SF3B3: variants seen among roughly 807,000 people sequenced by gnomAD.
The protein encoded by SF3B3 is SAP 130.
SF3B3 carries 33 observed loss-of-function variants against 139.2 expected under a neutral mutation model. That is an observed-to-expected ratio of 0.24 (90% CI 0.18 to 0.32). The LOEUF (loss-of-function observed/expected upper bound fraction) is 0.32, where lower values mean the gene tolerates loss of function less well. SF3B3 is among the 10% of genes least tolerant of loss of function. The pLI is 1.00. For synonymous variants in SF3B3, 596 were observed against 563.6 expected, an observed-to-expected ratio of 1.06 and a Z score of -0.81; for missense variants, 818 against 1,509.4, an observed-to-expected ratio of 0.54 and a Z score of 7.59.
rs975077024 is a variant in SF3B3 at position 70,572,102 on chromosome 16, A to G, written c.*289A>G. The G allele has an allele frequency of 1.4e-5, 8 of 585,378 alleles. No homozygotes were observed. Among genetic ancestry groups the G allele is most frequent in the Non-Finnish European group, 2.3e-5 (7 of 310,428 alleles). 36.3% of individuals were successfully genotyped at this position (585,378 alleles called of 1,614,324 possible). Reference sequence around the variant, plus strand: ...TCCCCAAAGCCATCCCTGCATTGATATGTCTTGACTCTCCTGTCTACTTTT... The same window carrying G: ...TCCCCAAAGCCATCCCTGCATTGATGTGTCTTGACTCTCCTGTCTACTTTT... On this transcript the variant is annotated 3_prime_UTR_variant, in exon 26 of 26. Coordinates refer to ENST00000302516, the MANE Select transcript of SF3B3 (RefSeq NM_012426.5).
At chr16:70,569,875 C>T (rs551604674) in intron 23 of SF3B3, 131 bp from the exon 24 acceptor site, 21 of 980,978 alleles carry the variant, frequency 2.1e-5, no homozygotes, top group Admixed American at 2.0e-4. Flanking sequence ...AATCCTCCCA[C>T]GTTGGCCTCT....
intron 13 of SF3B3, 127 bp downstream of exon 13, chr16:70,555,333 C>T: frequency 1.1e-6 from 1 of 881,534 alleles, no homozygotes. Flanking sequence ...CAAAAATTAG[C>T]TGGGCGTGTT....
At position 70,561,668 on chromosome 16, in the gene SF3B3, T is replaced by G; in HGVS notation, c.2172T>G (p.Ser724=). 1 of 1,614,104 alleles carries G rather than the reference T, an allele frequency of 6.2e-7. No individual in the cohort carries two copies. The highest frequency in any genetic ancestry group is 8.5e-7 in the Non-Finnish European group (1 of 1,179,970). Residue 724 remains serine (S), a synonymous_variant, in exon 17 of 26, where the codon TCT becomes TCG. Transcript: ENST00000302516. ...CAAGCCGCTCATGGTTGAGCTATTC[T>G]TACCAATCTCGCTTCCATCTCACCC... ...AMSSRSWLSY[S]YQSRFHLTPL...
At chr16:70,563,601 T>TA (rs2050449312) in intron 17 of SF3B3, 671 of 341,500 alleles carry the variant, frequency 2.0e-3, no homozygotes, top group Middle Eastern at 4.8e-3. Context: ...TTGGAGTGAT[T>TA]AAAAAAAAAC....
Position 70,564,049 on chromosome 16 carries a change from A to T in SF3B3, c.2462A>T (p.Glu821Val), listed in dbSNP as rs1335392503. 1 of 1,613,678 alleles carries T rather than the reference A, an allele frequency of 6.2e-7. No homozygotes were observed. The highest frequency in any genetic ancestry group is 8.5e-7 in the Non-Finnish European group (1 of 1,179,852). ...GCTCAGAGAAAGCAGCAGATGGCAG[A>T]GGTAATGAGACTAACGTTCAGGGGT... ...TKAQRKQQMA[E>V]EMVEAAGEDE... The change falls in exon 18 of 26, where the codon GAG (glutamate) becomes GTG (valine). Residue 821 changes from glutamate to valine, a missense_variant and splice_region_variant. Glu to Val is a moderately radical substitution (Grantham distance 121, BLOSUM62 -2). Around this residue, in one of 14 missense-constraint regions of SF3B3, gnomAD observed 25 missense variants for 68.1 expected, o/e 0.37. Transcript: ENST00000302516.
rs935526469 is a variant in SF3B3, at chr16:70,526,592, T to C, written c.-65T>C. The C allele has an allele frequency of 8.1e-6, 9 of 1,116,888 alleles. No homozygotes were observed. The highest frequency in any genetic ancestry group is 1.2e-5 in the Non-Finnish European group (9 of 752,376). 69.2% of individuals were successfully genotyped at this position (1,116,888 alleles called of 1,614,324 possible). ...TCTGTTTTCTGTTTTCTTAGCTTTC[T>C]TGGACTCCGTACTGTTGGTGTAACC... On this transcript the variant is annotated 5_prime_UTR_variant, in exon 2 of 26. Transcript: ENST00000302516.
intron 10 of SF3B3, among the ~76,000 whole-genome samples, chr16:70,545,477 G>A (rs1171855553): frequency 2.6e-5 from 4 of 152,184 alleles, no homozygotes; most frequent in East Asian, 1.9e-4. Flanking sequence ...GACACTAAAA[G>A]TTATCTTCTT....
intron 24 of SF3B3, 135 bp downstream of exon 24, chr16:70,570,284 T>C (rs914789336): frequency 3.4e-6 from 3 of 871,706 alleles, no homozygotes; most frequent in African/African-American, 1.7e-5. Flanking sequence ...ACAGAAGTAC[T>C]TGGGGAGATA....
intron 10 of SF3B3, among the ~76,000 whole-genome samples, chr16:70,547,892 T>A (rs780370442): frequency 6.6e-6 from 1 of 152,072 alleles, no homozygotes; most frequent in Non-Finnish European, 1.5e-5. Flanking sequence ...GCCCAGCCGG[T>A]GGTGACTGAT....
chr16:70,528,857 T>C lies in SF3B3; in HGVS notation c.71-16T>C. The C allele has an allele frequency of 6.3e-7, 1 of 1,586,038 alleles. No homozygotes were observed. The highest frequency in any genetic ancestry group is 8.6e-7 in the Non-Finnish European group (1 of 1,158,972). On this transcript the variant is annotated splice_polypyrimidine_tract_variant and intron_variant, in intron 2 of 25. Coordinates refer to ENST00000302516, the MANE Select transcript of SF3B3 (RefSeq NM_012426.5). ...GGGTTCTGGTTGTTTATGATCTTTATTTTTTGGTGATCTAGGAACCAAACA... is the reference window on the plus strand; with the variant it reads ...GGGTTCTGGTTGTTTATGATCTTTACTTTTTGGTGATCTAGGAACCAAACA...
chr16:70,570,968 AGT>A, intron 24 of SF3B3, 125 bp from the exon 25 acceptor site: 1 of 720,538 alleles, frequency 1.4e-6, no homozygotes. Context: ...ATTATCAGAA[AGT>A]GATTAGATAT....
Position 70,574,373 on chromosome 16 carries a change from G to A in SF3B3, c.*2560G>A, listed in dbSNP as rs908878848. On this transcript the variant is annotated 3_prime_UTR_variant, in exon 26 of 26. Coordinates refer to ENST00000302516, the MANE Select transcript of SF3B3 (RefSeq NM_012426.5). Reference sequence around the variant, plus strand: ...TAATTTTTAAACTTTTGTAGAGACAGGGTCTCCCTGTGTTGCCCAGGCTGG... The same window carrying A: ...TAATTTTTAAACTTTTGTAGAGACAAGGTCTCCCTGTGTTGCCCAGGCTGG... 3.3e-5 allele frequency: 5 copies of A among 152,156 alleles called. No homozygotes were observed. Among genetic ancestry groups the A allele is most frequent in the Admixed American group, 2.0e-4 (3 of 15,262 alleles). The allele number at this position is 152,156 out of a possible 1,614,324, so 9.4% of individuals were successfully genotyped here.
At chr16:70,527,847 C>T (rs2151773449) in intron 2 of SF3B3, among the ~76,000 whole-genome samples, 1 of 152,282 alleles carries the variant, frequency 6.6e-6, no homozygotes, top group South Asian at 2.1e-4. Context: ...GTGATCTTGG[C>T]TCACTGCCAC....
In SF3B3 at chr16:70,545,204, C is replaced by G. The variant is rs138382601; in HGVS notation, c.1329+671C>G. 3.4e-3 allele frequency among the ~76,000 whole-genome samples: 525 copies of G among 152,202 alleles called. 7 individuals carry two copies. The highest frequency in any genetic ancestry group is 0.012 in the African/African-American group (489 of 41,528). ...CCTCAGCCTCCTGAATAACTGGGGA[C>G]TGCAGGCACGTGCCACAACACCCAG... On this transcript the variant is annotated intron_variant, in intron 10 of 25. Coordinates refer to ENST00000302516, the MANE Select transcript of SF3B3 (RefSeq NM_012426.5).
rs1485499984 is a variant in SF3B3 at position 70,554,928 on chromosome 16, A to G, written c.1555-123A>G. 6 of 884,224 alleles carry G rather than the reference A, an allele frequency of 6.8e-6. No homozygotes were observed. The East Asian group carries it at 7.9e-5, about 12-fold the overall frequency. 54.8% of individuals were successfully genotyped at this position (884,224 alleles called of 1,614,324 possible). ...TACTAACTCTTTTGTCTTTGATTCA[A>G]CTGGTGCCTCAAATGCAGTGGCCCC... is the stretch of plus-strand genomic sequence containing the variant. On this transcript the variant is annotated intron_variant, in intron 12 of 25. Transcript: ENST00000302516.
intron 5 of SF3B3, 32 bp downstream of exon 5, chr16:70,532,652 TTTAC>T: frequency 6.2e-7 from 1 of 1,608,976 alleles, no homozygotes; most frequent in Non-Finnish European, 8.5e-7. Flanking sequence ...TTTGTACCCT[TTTAC>T]TTGGTTCATT....
At chr16:70,538,268 C>T in intron 6 of SF3B3, 55 bp from the exon 7 acceptor site, 8 of 1,532,126 alleles carry the variant, frequency 5.2e-6, no homozygotes, top group Non-Finnish European at 7.2e-6. Flanking sequence ...TGCTGAATTC[C>T]AGAACTAAGA....
intron 13 of SF3B3, among the ~76,000 whole-genome samples, 156 bp downstream of exon 13, chr16:70,555,362 C>G (rs2050369552): frequency 6.6e-6 from 1 of 151,700 alleles, no homozygotes; most frequent in African/African-American, 2.4e-5. Flanking sequence ...CCTTGTAGTC[C>G]TAGCTACTCA....
At chr16:70,569,923 C>T in intron 23 of SF3B3, 83 bp from the exon 24 acceptor site, 1 of 1,481,778 alleles carries the variant, frequency 6.7e-7, no homozygotes, top group Non-Finnish European at 9.3e-7. Context: ...ATGAAATGTG[C>T]CTTAGGGAGC....
Sources: allele counts gnomAD v4.1 joint callset (sites outside exome capture counted in the v4.1 genomes callset), GRCh38; gene constraint gnomAD v4.1.1; regional missense constraint gnomAD v4.1.1; transcripts MANE v1.5; gene names NCBI Gene and HGNC (gene_info 2026-07-23, HGNC 2026-07-21).